KSR2: variants seen among roughly 807,000 people sequenced by gnomAD.
KSR2 encodes the protein kinase suppressor of ras 2.
A neutral mutation model predicts 107.8 loss-of-function variants in KSR2; 25 were observed. The ratio of observed to expected loss-of-function variants is 0.23; its 90% CI spans 0.17 to 0.32. The LOEUF (loss-of-function observed/expected upper bound fraction) is 0.32. KSR2 is among the 10% of genes least tolerant of loss of function. KSR2 has a pLI of 1.00. For missense variants in KSR2, 887 were observed against 1,268.9 expected, an observed-to-expected ratio of 0.70 and a Z score of 4.57; for synonymous variants, 480 against 507.0, an observed-to-expected ratio of 0.95 and a Z score of 0.71.
At chr12:117,587,119 C>T (rs2136256762) in intron 5 of KSR2, among the ~76,000 whole-genome samples, 1 of 152,220 alleles carries the variant, frequency 6.6e-6, no homozygotes, top group East Asian at 1.9e-4. Context: ...ACCAAGGAGG[C>T]CTGGGAAGTG....
At chr12:117,627,038 C>G (rs1230404592) in intron 5 of KSR2, among the ~76,000 whole-genome samples, 2 of 139,686 alleles carry the variant, frequency 1.4e-5, no homozygotes, top group Admixed American at 6.9e-5. Context: ...TTTTTTTTTG[C>G]TTTCCATTTG....
At chr12:117,805,872 T>A (rs1890991402) in intron 3 of KSR2, among the ~76,000 whole-genome samples, 1 of 152,004 alleles carries the variant, frequency 6.6e-6, no homozygotes, top group Admixed American at 6.6e-5. Context: ...ATCCCAGCTA[T>A]TTGGGAAGCT....
chr12:117,946,863 T>C (rs1176552020), intron 1 of KSR2, among the ~76,000 whole-genome samples: 1 of 152,030 alleles, frequency 6.6e-6, no homozygotes, highest in East Asian at 1.9e-4. Flanking sequence ...ATCATATTAA[T>C]TGTTTAAAGA....
intron 1 of KSR2, among the ~76,000 whole-genome samples, chr12:117,949,632 C>G (rs1180504835): frequency 6.6e-6 from 1 of 151,932 alleles, no homozygotes; most frequent in Admixed American, 6.6e-5. Context: ...ACTGTACATC[C>G]AAAAAAGTCA....
chr12:117,598,376 C>G (rs563780045), intron 5 of KSR2, among the ~76,000 whole-genome samples: 3 of 152,154 alleles, frequency 2.0e-5, no homozygotes, highest in Non-Finnish European at 4.4e-5. Flanking sequence ...TTTCTTTACC[C>G]ACTTGTTGAT....
chr12:117,796,210 C>T (rs538522638), intron 3 of KSR2, among the ~76,000 whole-genome samples: 10 of 152,168 alleles, frequency 6.6e-5, no homozygotes, highest in African/African-American at 2.4e-4. Context: ...GGATTAAAGG[C>T]GGAAGCCACC....
intron 5 of KSR2, among the ~76,000 whole-genome samples, chr12:117,629,150 C>A (rs536465215): frequency 6.6e-6 from 1 of 152,212 alleles, no homozygotes; most frequent in Non-Finnish European, 1.5e-5. Context: ...CAACCCCATG[C>A]GCTTCCCAGG....
At chr12:117,893,058 C>T (rs1319679342) in intron 1 of KSR2, among the ~76,000 whole-genome samples, 1 of 150,170 alleles carries the variant, frequency 6.7e-6, no homozygotes, top group Non-Finnish European at 1.5e-5. Context: ...TACTCTGTCA[C>T]CCAGGCTGGA....
At chr12:117,717,669 GTGTGTGTGTGT>G (rs1171427245) in intron 4 of KSR2, among the ~76,000 whole-genome samples, 1 of 3,646 alleles carries the variant, frequency 2.7e-4, no homozygotes, top group African/African-American at 1.3e-3. Flanking sequence ...GCAGACAGGT[GTGTGTGTGTGT>G]GTGTGTGTGT....
At chr12:117,491,728 C>T (rs1872754979) in intron 14 of KSR2, among the ~76,000 whole-genome samples, 1 of 152,176 alleles carries the variant, frequency 6.6e-6, no homozygotes, top group African/African-American at 2.4e-5. Flanking sequence ...TGCTGATTTC[C>T]GTTCCTCTGG....
intron 2 of KSR2, among the ~76,000 whole-genome samples, chr12:117,857,399 G>T (rs1893139546): frequency 6.6e-6 from 1 of 152,078 alleles, no homozygotes; most frequent in South Asian, 2.1e-4. Flanking sequence ...TTTGAAGGGG[G>T]TGATTCATAA....
At chr12:117,963,162 C>A (rs187440028) in intron 1 of KSR2, among the ~76,000 whole-genome samples, 2,428 of 151,886 alleles carry the variant, frequency 0.016, 27 homozygotes, top group Non-Finnish European at 0.024. Flanking sequence ...TGCACTCCAG[C>A]CTGAGCAACG....
intron 5 of KSR2, among the ~76,000 whole-genome samples, chr12:117,583,405 GTGGATGGATGGATGGATGGA>G (rs369518226): frequency 0.013 from 1,635 of 127,148 alleles, 32 homozygotes; most frequent in African/African-American, 0.046. Context: ...GGGTGAGTGA[GTGGATGGATGGATGGATGGA>G]TGGATGGATG....
At chr12:117,554,486 TG>T (rs1194394216) in intron 9 of KSR2, among the ~76,000 whole-genome samples, 1 of 152,150 alleles carries the variant, frequency 6.6e-6, no homozygotes, top group African/African-American at 2.4e-5. Flanking sequence ...TGTTATGGTT[TG>T]GCTGGGTCTC....
chr12:117,531,112 G>T, intron 11 of KSR2, 99 bp from the exon 12 acceptor site: 1 of 938,330 alleles, frequency 1.1e-6, no homozygotes. Context: ...TTTTTCACCA[G>T]ATCTTGGATC....
intron 3 of KSR2, among the ~76,000 whole-genome samples, chr12:117,783,449 C>T (rs1414650709): frequency 6.6e-6 from 1 of 152,186 alleles, no homozygotes; most frequent in Non-Finnish European, 1.5e-5. Context: ...GATAGTGTCA[C>T]CCACCTCATA....
chr12:117,469,825 C>T, intron 18 of KSR2, 30 bp from the exon 19 acceptor site: 1 of 1,610,844 alleles, frequency 6.2e-7, no homozygotes, highest in East Asian at 2.2e-5. Flanking sequence ...GGTGATTACA[C>T]ATAAATGGTG....
intron 5 of KSR2, among the ~76,000 whole-genome samples, chr12:117,582,580 G>A (rs1253051351): frequency 6.6e-6 from 1 of 152,246 alleles, no homozygotes; most frequent in Non-Finnish European, 1.5e-5. Flanking sequence ...AATGAAGCCA[G>A]CTGTGGAATG....
intron 5 of KSR2, among the ~76,000 whole-genome samples, chr12:117,593,762 C>T (rs1190606892): frequency 1.3e-5 from 2 of 152,224 alleles, no homozygotes; most frequent in African/African-American, 2.4e-5. Context: ...AGGCGGATGG[C>T]CCCTAGAGCA....
Sources: allele counts gnomAD v4.1 joint callset (sites outside exome capture counted in the v4.1 genomes callset), GRCh38; gene constraint gnomAD v4.1.1; transcripts MANE v1.5; gene names NCBI Gene and HGNC (gene_info 2026-07-23, HGNC 2026-07-21).